Variants in WWOX observed in about 807,000 individuals in gnomAD.
WWOX encodes the protein WW domain-containing oxidoreductase.
Under a neutral mutation model 46.2 loss-of-function variants are expected in WWOX, and 69 were observed. The observed-to-expected ratio is 1.49, with a 90% CI of 1.23 to 1.82. The LOEUF (loss-of-function observed/expected upper bound fraction) is 1.82. Ranked by LOEUF, WWOX falls within the 40% of genes most tolerant of loss-of-function variation. The pLI, the probability that WWOX is intolerant of heterozygous loss-of-function variation, is 0.00. For missense variants in WWOX, 919 were observed against 542.6 expected (o/e 1.69, Z -6.89); for synonymous variants, 359 against 202.6 (o/e 1.77, Z -6.56).
intron 8 of WWOX, among the ~76,000 whole-genome samples, chr16:79,129,872 T>C (rs1346589595): frequency 6.6e-6 from 1 of 152,102 alleles, no homozygotes; most frequent in Non-Finnish European, 1.5e-5. Flanking sequence ...CAGGCAGGGG[T>C]CAGGCTCCCT....
At chr16:79,184,241 T>C (rs1041775460) in intron 8 of WWOX, among the ~76,000 whole-genome samples, 1 of 152,240 alleles carries the variant, frequency 6.6e-6, no homozygotes, top group Non-Finnish European at 1.5e-5. Flanking sequence ...AGTAACAGTG[T>C]AGACTATTAG....
intron 8 of WWOX, among the ~76,000 whole-genome samples, chr16:78,916,629 G>A (rs1052575601): frequency 2.0e-5 from 3 of 152,122 alleles, no homozygotes; most frequent in African/African-American, 7.2e-5. Flanking sequence ...TGGCCTAGAC[G>A]AGCAAAGATG....
intron 8 of WWOX, among the ~76,000 whole-genome samples, chr16:78,482,316 A>C (rs1303828413): frequency 2.6e-5 from 4 of 152,174 alleles, no homozygotes; most frequent in East Asian, 3.9e-4. Context: ...GCTCACTGCA[A>C]CCTCTGTCGA....
intron 8 of WWOX, among the ~76,000 whole-genome samples, chr16:78,854,008 A>G (rs1050404690): frequency 1.1e-4 from 16 of 152,240 alleles, no homozygotes; most frequent in Admixed American, 3.9e-4. Flanking sequence ...GAAATGAAAA[A>G]TAAAATTGTC....
intron 8 of WWOX, among the ~76,000 whole-genome samples, chr16:78,517,576 T>C (rs2043263563): frequency 6.6e-6 from 1 of 152,210 alleles, no homozygotes. Flanking sequence ...ACTGTCATAT[T>C]GTGGTCCGGA....
Position 78,773,138 on chromosome 16 carries a change from G to C in WWOX, c.1056+340386G>C, listed in dbSNP as rs1230374624. On this transcript the variant is annotated intron_variant, in intron 8 of 8. Transcript: ENST00000566780. ...CTAGATTGTAAGCTTCATGAGGGCA[G>C]GGGACTTTGACGATTTTGTCGGTAT... Among the ~76,000 whole-genome samples the C allele has an allele frequency of 3.3e-5, 5 of 152,336 alleles. No individual in the cohort carries two copies. In the East Asian group the frequency reaches 9.6e-4, roughly 29 times the overall value.
At chr16:78,900,995 T>C (rs1386908821) in intron 8 of WWOX, among the ~76,000 whole-genome samples, 5 of 152,198 alleles carry the variant, frequency 3.3e-5, no homozygotes, top group Non-Finnish European at 5.9e-5. Context: ...AGCGTTCATA[T>C]TTTGAAGTTT....
chr16:78,774,971 C>G (rs979821121), intron 8 of WWOX, among the ~76,000 whole-genome samples: 3 of 151,990 alleles, frequency 2.0e-5, no homozygotes, highest in Non-Finnish European at 4.4e-5. Flanking sequence ...GGTGTATGCT[C>G]GAAGAGGGGC....
intron 5 of WWOX, among the ~76,000 whole-genome samples, chr16:78,166,480 TC>T (rs1489859651): frequency 1.3e-5 from 2 of 152,234 alleles, no homozygotes; most frequent in Admixed American, 1.3e-4. Context: ...AGCACTGGAC[TC>T]CTTGATTCAA....
intron 8 of WWOX, among the ~76,000 whole-genome samples, chr16:78,985,237 T>C (rs939678614): frequency 2.0e-5 from 3 of 152,186 alleles, no homozygotes; most frequent in African/African-American, 7.2e-5. Flanking sequence ...ATCATGAGGG[T>C]TTTACAGGCA....
chr16:78,160,642 T>C (rs913031397), intron 4 of WWOX, among the ~76,000 whole-genome samples: 2 of 152,220 alleles, frequency 1.3e-5, no homozygotes, highest in African/African-American at 4.8e-5. Context: ...TTTAATTCCA[T>C]TGCGGTCAAA....
Position 78,432,714 on chromosome 16 carries a change from C to G in WWOX, c.1018C>G (p.Leu340Val), listed in dbSNP as rs976415963. 1.2e-6 allele frequency: 2 copies of G among 1,614,220 alleles called. No homozygotes were observed. Among genetic ancestry groups the G allele is most frequent in the South Asian group, 1.1e-5 (1 of 91,088 alleles). The change falls in exon 8 of 9, where the codon CTG becomes GTG. Residue 340 changes from leucine to valine, a missense_variant. Transcript: ENST00000566780. ...NIHRSWWVYTLLFTLARPFTK... is the reference protein window; with the variant it reads ...NIHRSWWVYTVLFTLARPFTK... ...TCATCGCAGCTGGTGGGTGTACACA[C>G]TGCTGTTTACCTTGGCGAGGCCTTT...
intron 5 of WWOX, among the ~76,000 whole-genome samples, chr16:78,381,031 C>A (rs903007151): frequency 1.3e-5 from 2 of 152,076 alleles, no homozygotes; most frequent in African/African-American, 4.8e-5. Flanking sequence ...AAGCCCAGAT[C>A]CTTCCAGTAG....
intron 6 of WWOX, among the ~76,000 whole-genome samples, chr16:78,417,040 G>GGGGTGTGTGTGTGTGTGTGTGTGT (rs58277331): frequency 7.9e-5 from 12 of 151,264 alleles, no homozygotes; most frequent in African/African-American, 2.4e-4. Flanking sequence ...ACCCTTTGGG[G>GGGGTGTGTGTGTGTGTGTGTGTGT]GTGTGTGTGT....
intron 8 of WWOX, among the ~76,000 whole-genome samples, chr16:78,910,564 A>C (rs1311183994): frequency 2.0e-5 from 3 of 151,792 alleles, no homozygotes; most frequent in African/African-American, 4.8e-5. Flanking sequence ...ACTACTGAGA[A>C]AGACATACCC....
chr16:78,760,849 C>T lies in WWOX; in HGVS notation c.1056+328097C>T, dbSNP rs148045574. Among the ~76,000 whole-genome samples, 11 of 152,310 alleles carry T rather than the reference C, an allele frequency of 7.2e-5. No homozygotes were observed. The East Asian group carries it at 1.9e-3, about 27-fold the overall frequency. On this transcript the variant is annotated intron_variant, in intron 8 of 8. Coordinates refer to ENST00000566780, the MANE Select transcript of WWOX (RefSeq NM_016373.4). Reference sequence around the variant, plus strand: ...AAAAGAAAGAGGTTTAATGAACTCACATTTCCCCATGTCTGGGGAGGCCTC... The same window carrying T: ...AAAAGAAAGAGGTTTAATGAACTCATATTTCCCCATGTCTGGGGAGGCCTC...
chr16:79,045,803 T>C, intron 8 of WWOX, among the ~76,000 whole-genome samples: 1 of 104,222 alleles, frequency 9.6e-6, no homozygotes, highest in African/African-American at 4.2e-5. Flanking sequence ...TTTTTTTTTT[T>C]TTTTTTTTTT....
chr16:78,277,919 T>A (rs529238665), intron 5 of WWOX, among the ~76,000 whole-genome samples: 1 of 152,310 alleles, frequency 6.6e-6, no homozygotes, highest in South Asian at 2.1e-4. Context: ...TTTTTGAACA[T>A]GGAATTTGTT....
intron 8 of WWOX, among the ~76,000 whole-genome samples, chr16:78,632,621 C>T (rs993543924): frequency 3.1e-5 from 4 of 127,328 alleles, no homozygotes; most frequent in Non-Finnish European, 3.1e-5. Flanking sequence ...TGCAATGGTG[C>T]GATCTCAGCT....
Sources: allele counts gnomAD v4.1 joint callset (sites outside exome capture counted in the v4.1 genomes callset), GRCh38; gene constraint gnomAD v4.1.1; transcripts MANE v1.5; gene names NCBI Gene and HGNC (gene_info 2026-07-23, HGNC 2026-07-21).